LOC112694756: variants seen among roughly 807,000 people sequenced by gnomAD.
chr16:30,054,282 G>A, the LOC112694756 span, among the ~76,000 whole-genome samples: 1 of 148,256 alleles, frequency 6.7e-6, no homozygotes, highest in African/African-American at 2.5e-5. Context: ...TTGCCCCACT[G>A]CTCCAGCCTG....
the LOC112694756 span, chr16:30,068,806 C>T: frequency 1.2e-6 from 2 of 1,614,232 alleles, no homozygotes; most frequent in African/African-American, 2.7e-5. Context: ...TGACCCCTTC[C>T]TCTTCTCTTA....
chr16:30,068,618 C>T, the LOC112694756 span: 1 of 1,613,600 alleles, frequency 6.2e-7, no homozygotes, highest in Non-Finnish European at 8.5e-7. Context: ...TTTCCTGTGT[C>T]TTAATGTTGT....
At chr16:30,059,012 A>G in the LOC112694756 span, 4 of 398,470 alleles carry the variant, frequency 1.0e-5, no homozygotes, top group South Asian at 2.5e-4. Flanking sequence ...ATGACGTGCT[A>G]TGGAGCAGCG....
chr16:30,062,362 C>CA, the LOC112694756 span, among the ~76,000 whole-genome samples: 1 of 151,102 alleles, frequency 6.6e-6, no homozygotes, highest in Admixed American at 6.6e-5. Context: ...CCTGTCTCTA[C>CA]AAAAAAATAC....
the LOC112694756 span, chr16:30,054,709 G>T: frequency 2.5e-6 from 1 of 399,074 alleles, no homozygotes; most frequent in Non-Finnish European, 4.4e-6. Flanking sequence ...CCACCTCCTC[G>T]TCCCTCATGG....
the LOC112694756 span, chr16:30,054,598 G>C: frequency 1.3e-5 from 5 of 392,036 alleles, no homozygotes; most frequent in African/African-American, 1.0e-4. Flanking sequence ...TGCTGAACTG[G>C]GAATGATAGG....
the LOC112694756 span, among the ~76,000 whole-genome samples, chr16:30,062,848 A>G: frequency 1.3e-5 from 2 of 151,916 alleles, no homozygotes; most frequent in South Asian, 2.1e-4. Flanking sequence ...CTCGGAAAAA[A>G]AAAAAAAAAA....
the LOC112694756 span, among the ~76,000 whole-genome samples, chr16:30,065,380 GGC>G: frequency 6.6e-6 from 1 of 152,082 alleles, no homozygotes; most frequent in Non-Finnish European, 1.5e-5. Flanking sequence ...GCGCGCGCTG[GGC>G]CTGGGAGGCG....
the LOC112694756 span, chr16:30,070,058 G>T: frequency 1.8e-5 from 29 of 1,613,532 alleles, no homozygotes; most frequent in Middle Eastern, 1.6e-4. Flanking sequence ...TGGGCAGGGT[G>T]CCTGGGTGGA....
chr16:30,067,780 T>G, the LOC112694756 span: 1 of 1,183,192 alleles, frequency 8.5e-7, no homozygotes, highest in Non-Finnish European at 1.3e-6. Flanking sequence ...GGAGCCTGCT[T>G]CAGGCTTAGG....
At chr16:30,062,711 C>T in the LOC112694756 span, among the ~76,000 whole-genome samples, 3 of 151,830 alleles carry the variant, frequency 2.0e-5, no homozygotes, top group Non-Finnish European at 2.9e-5. Context: ...TGTGGTGGCA[C>T]ATGCCTGTAA....
chr16:30,070,390 C>A, the LOC112694756 span: 2 of 638,932 alleles, frequency 3.1e-6, no homozygotes, highest in Non-Finnish European at 5.6e-6. Context: ...GGCACACTGC[C>A]AAATAAACAG....
chr16:30,054,795 C>CCT, the LOC112694756 span: 2 of 399,178 alleles, frequency 5.0e-6, no homozygotes, highest in Non-Finnish European at 8.8e-6. Flanking sequence ...CCTCCTCTAG[C>CCT]CCGTGGAATC....
the LOC112694756 span, among the ~76,000 whole-genome samples, chr16:30,058,698 G>A: frequency 6.6e-6 from 1 of 151,968 alleles, no homozygotes; most frequent in African/African-American, 2.4e-5. Flanking sequence ...TAGCCAGGAT[G>A]GTCTTGATCT....
chr16:30,054,711 C>T, the LOC112694756 span: 3 of 399,262 alleles, frequency 7.5e-6, no homozygotes, highest in African/African-American at 2.1e-5. Context: ...ACCTCCTCGT[C>T]CCTCATGGTA....
chr16:30,054,552 C>G, the LOC112694756 span: 4 of 356,734 alleles, frequency 1.1e-5, no homozygotes, highest in Non-Finnish European at 2.0e-5. Context: ...GGAAAATCAG[C>G]CCTAGAAGAC....
chr16:30,066,151 TGAA>T, the LOC112694756 span: 1 of 152,310 alleles, frequency 6.6e-6, no homozygotes, highest in Non-Finnish European at 1.5e-5. Context: ...CCGGACGAGA[TGAA>T]GGACCATTCT....
the LOC112694756 span, among the ~76,000 whole-genome samples, chr16:30,061,630 G>T: frequency 4.9e-5 from 7 of 142,538 alleles, no homozygotes; most frequent in Admixed American, 5.4e-4. Context: ...GTCGATCTCG[G>T]CTTACTGCAA....
the LOC112694756 span, chr16:30,067,561 G>A: frequency 6.2e-7 from 1 of 1,613,962 alleles, no homozygotes; most frequent in Non-Finnish European, 8.5e-7. Flanking sequence ...CCCTGCATTG[G>A]GGGTGTCATC....
Sources: allele counts gnomAD v4.1 joint callset (sites outside exome capture counted in the v4.1 genomes callset), GRCh38; gene constraint gnomAD v4.1.1; transcripts MANE v1.5.